Variants in S1PR3 observed in about 807,000 individuals in gnomAD.
S1PR3 encodes sphingosine 1-phosphate receptor 3.
S1PR3 carries 12 observed loss-of-function variants against 13.3 expected under a neutral mutation model. The ratio of observed to expected loss-of-function variants is 0.90; its 90% confidence interval spans 0.58 to 1.46. The LOEUF is 1.46. S1PR3 is among the 40% of genes most tolerant of loss of function. The probability of loss-of-function intolerance (pLI) is 0.00; values close to 1 mark genes in which losing one functional copy is unlikely to be tolerated. For missense variants in S1PR3, 450 were observed against 501.9 expected (o/e 0.90, Z 0.99); for synonymous variants, 232 against 214.0 (o/e 1.08, Z -0.73).
rs1825882763 is a variant in S1PR3 at position 89,002,402 on chromosome 9, G to GC, written c.*69dup. ...TATTGCATGCGTCGCTTCCACAGGG[G>GC]CCCCTCAAGAGCTGTGACTCGGGAG... On this transcript the variant is annotated 3_prime_UTR_variant, in exon 2 of 2. Transcript: ENST00000358157. 1.3e-6 allele frequency: 2 copies of GC among 1,542,028 alleles called. No homozygotes were observed. Among genetic ancestry groups the GC allele is most frequent in the South Asian group, 2.5e-5 (2 of 79,810 alleles).
At position 88,995,396 on chromosome 9, in the gene S1PR3, G is replaced by A. The variant is rs1439624348; in HGVS notation, c.-148+3701G>A. 4 of 166,940 alleles carry A rather than the reference G, an allele frequency of 2.4e-5. No homozygotes were observed. The South Asian group carries it at 8.3e-4, about 35-fold the overall frequency. 10.3% of individuals were successfully genotyped at this position (166,940 alleles called of 1,614,324 possible). ...GTAGAGAAAGCGAATCGCTAGTATAGAAAGCACATCTGGAATCCATCCGGC... is the reference window on the plus strand; with the variant it reads ...GTAGAGAAAGCGAATCGCTAGTATAAAAAGCACATCTGGAATCCATCCGGC... On this transcript the variant is annotated intron_variant, in intron 1 of 1. Coordinates refer to ENST00000358157, the MANE Select transcript of S1PR3 (RefSeq NM_005226.4).
At position 88,991,931 on chromosome 9, in the gene S1PR3, G is replaced by T. The variant is rs756645623; in HGVS notation, c.-148+236G>T. 6.2e-7 allele frequency: 1 copy of T among 1,614,228 alleles called. No individual in the cohort carries two copies. Among genetic ancestry groups the T allele is most frequent in the African/African-American group, 1.3e-5 (1 of 75,066 alleles). ...ACGGGCTGGAGCTGAATACCTGGAT[G>T]AAAGTGGAGAGGCTGTTCGTGGAGA... On this transcript the variant is annotated intron_variant, in intron 1 of 1. Coordinates refer to ENST00000358157, the MANE Select transcript of S1PR3 (RefSeq NM_005226.4). The surrounding 1 kb of genome is among the most constrained non-coding windows in gnomAD (Gnocchi z 4.0).
In S1PR3 at chr9:89,001,368, G is replaced by T. The variant is rs577646307; in HGVS notation, c.168G>T (p.Glu56Asp). The T allele has an allele frequency of 3.1e-6, 5 of 1,614,216 alleles. No homozygotes were observed. The highest frequency in any genetic ancestry group is 3.4e-6 in the Non-Finnish European group (4 of 1,180,048). Residue 56 changes from glutamate (E) to aspartate (D), a missense_variant, in exon 2 of 2, where the codon GAG becomes GAT. By Grantham distance (45) the Glu-to-Asp change is conservative. Transcript: ENST00000358157. ...TCATCTGCAGCTTCATCGTCTTGGA[G>T]AACCTGATGGTTTTGATTGCCATCT... is the stretch of plus-strand genomic sequence containing the variant. Reference protein sequence around the residue: ...FLVICSFIVLENLMVLIAIWK... With the variant: ...FLVICSFIVLDNLMVLIAIWK...
Position 89,001,233 on chromosome 9 carries a change from G to C in S1PR3, c.33G>C (p.Pro11=). 6.2e-7 allele frequency: 1 copy of C among 1,613,484 alleles called. No individual in the cohort carries two copies. The highest frequency in any genetic ancestry group is 8.5e-7 in the Non-Finnish European group (1 of 1,179,498). Residue 11 remains proline, a synonymous_variant, in exon 2 of 2, where the codon CCG becomes CCC. Transcript: ENST00000358157. MATALPPRLQ[P]VRGNETLREH... ...CTGCCCTCCCGCCGCGTCTCCAGCC[G>C]GTGCGGGGGAACGAGACCCTGCGGG... is the stretch of plus-strand genomic sequence containing the variant.
upstream of S1PR3, chr9:88,991,155 T>C: frequency 6.2e-7 from 1 of 1,609,522 alleles, no homozygotes. The surrounding 1 kb of genome is among the most constrained non-coding windows in gnomAD (Gnocchi z 4.0). Flanking sequence ...GCCCGGTTTC[T>C]GCACCTGGAG....
rs543826928 is a variant in S1PR3 at position 89,003,412 on chromosome 9, C to T, written c.*1075C>T. ...CAGCATCCTGAAAGCTGGCACTGAT[C>T]GTGACTATCAGTGAAAGAAGTTTAA... On this transcript the variant is annotated 3_prime_UTR_variant, in exon 2 of 2. Transcript: ENST00000358157. 3 of 167,192 alleles carry T rather than the reference C, an allele frequency of 1.8e-5. No individual in the cohort carries two copies. The highest frequency in any genetic ancestry group is 2.1e-4 in the South Asian group (1 of 4,820). The allele number at this position is 167,192 out of a possible 1,614,324, so 10.4% of individuals were successfully genotyped here. A position where few individuals can be genotyped will look rare whatever the true frequency, so the allele number is the denominator to read the frequency against.
At chr9:88,991,346 C>T (rs1825695881), upstream of S1PR3, 4 of 409,828 alleles carry the variant, frequency 9.8e-6, no homozygotes, top group African/African-American at 1.4e-4. The surrounding 1 kb of genome is among the most constrained non-coding windows in gnomAD (Gnocchi z 4.0). Context: ...GGTTCGCGGG[C>T]GGGGGACGGG....
rs1252590863 is a variant in S1PR3 at position 88,994,797 on chromosome 9, G to A, written c.-148+3102G>A. ...CCGGGAAGCAGTAAGTCTAACCAGG[G>A]AAGTGCACTGACTTGCATGCTTTGA... On this transcript the variant is annotated intron_variant, in intron 1 of 1. Coordinates refer to ENST00000358157, the MANE Select transcript of S1PR3 (RefSeq NM_005226.4). The A allele has an allele frequency of 1.8e-5, 3 of 167,282 alleles. No individual in the cohort carries two copies. In the East Asian group the frequency reaches 5.8e-4, roughly 32 times the overall value. The allele number at this position is 167,282 out of a possible 1,614,324, so 10.4% of individuals were successfully genotyped here.
At chr9:88,997,373 C>T (rs368961274) in intron 1 of S1PR3, 2 of 152,024 alleles carry the variant, frequency 1.3e-5, no homozygotes, top group Admixed American at 6.5e-5. Flanking sequence ...GTCTATTCAC[C>T]CTCTTCTCTC....
In S1PR3 at chr9:89,002,304, C is replaced by G. The variant is rs111258555; in HGVS notation, c.1104C>G (p.Asn368Lys). 1 of 1,613,970 alleles carries G rather than the reference C, an allele frequency of 6.2e-7. No homozygotes were observed. Among genetic ancestry groups the G allele is most frequent in the Non-Finnish European group, 8.5e-7 (1 of 1,180,010 alleles). Residue 368 changes from asparagine (N) to lysine (K), a missense_variant, in exon 2 of 2, where the codon AAC becomes AAG. Physicochemically the swap from Asn to Lys is moderately conservative, Grantham distance 94 (BLOSUM62 0). Coordinates refer to ENST00000358157, the MANE Select transcript of S1PR3 (RefSeq NM_005226.4). ...CCTCATCCTGCATCATGGACAAGAA[C>G]GCAGCACTTCAGAATGGGATCTTCT... Reference protein sequence around the residue: ...TAPSSCIMDKNAALQNGIFCN With the variant: ...TAPSSCIMDKKAALQNGIFCN
chr9:88,991,675 C>T lies in S1PR3; in HGVS notation c.-168C>T, dbSNP rs1825710925. On this transcript the variant is annotated 5_prime_UTR_variant, in exon 1 of 2. Transcript: ENST00000358157. This position sits in a 1 kb window ranked among gnomAD's most constrained non-coding sequence, Gnocchi z 4.0. ...CCACCCGCTAGGATGCCGGTGGCCC[C>T]AGCGCCCTCAGCCGACGGAGGTGAG... 1.3e-6 allele frequency: 2 copies of T among 1,516,030 alleles called. No individual in the cohort carries two copies. Among genetic ancestry groups the T allele is most frequent in the African/African-American group, 2.8e-5 (2 of 70,828 alleles). 93.9% of individuals were successfully genotyped at this position (1,516,030 alleles called of 1,614,324 possible). A position where few individuals can be genotyped will look rare whatever the true frequency, so the allele number is the denominator to read the frequency against.
chr9:88,999,581 T>C (rs1034160670), intron 1 of S1PR3: 1 of 152,228 alleles, frequency 6.6e-6, no homozygotes, highest in Non-Finnish European at 1.5e-5. Context: ...GTTGTTCATG[T>C]GTCTCTGAAG....
Position 89,001,058 on chromosome 9 carries a change from C to A in S1PR3, c.-143C>A. ...CCTCTTTTTATCTGTTGGCAGGAGCCCTTTTTCAACGCCCTCGCTGGAGTC... is the reference window on the plus strand; with the variant it reads ...CCTCTTTTTATCTGTTGGCAGGAGCACTTTTTCAACGCCCTCGCTGGAGTC... On this transcript the variant is annotated 5_prime_UTR_variant, in exon 2 of 2. Transcript: ENST00000358157. 4.4e-6 allele frequency: 4 copies of A among 902,018 alleles called. No homozygotes were observed. The highest frequency in any genetic ancestry group is 6.8e-6 in the Non-Finnish European group (4 of 591,708). 55.9% of individuals were successfully genotyped at this position (902,018 alleles called of 1,614,324 possible).
Position 88,992,186 on chromosome 9 carries a change from T to G in S1PR3, c.-148+491T>G, listed in dbSNP as rs138742887. The G allele has an allele frequency of 6.9e-4, 476 of 689,448 alleles. 1 individual carries two copies. The African/African-American group carries it at 7.9e-3, about 11-fold the overall frequency. The allele number at this position is 689,448 out of a possible 1,614,324, so 42.7% of individuals were successfully genotyped here. On this transcript the variant is annotated intron_variant, in intron 1 of 1. Coordinates refer to ENST00000358157, the MANE Select transcript of S1PR3 (RefSeq NM_005226.4). ...AGTCCCCACAGTGCAATAATGAGGT[T>G]CCCACGGAAAATCAGTACGTTGTGT...
Position 89,002,516 on chromosome 9 carries a change from C to T in S1PR3, c.*179C>T, listed in dbSNP as rs1287755752. On this transcript the variant is annotated 3_prime_UTR_variant, in exon 2 of 2. Transcript: ENST00000358157. ...AATCACCACCCCGCTTCAGTGTAAA[C>T]AACGTGCCTTGTCCACTTTGGGCTC... 4 of 725,012 alleles carry T rather than the reference C, an allele frequency of 5.5e-6. No individual in the cohort carries two copies. Among genetic ancestry groups the T allele is most frequent in the African/African-American group, 3.6e-5 (2 of 55,812 alleles). The allele number at this position is 725,012 out of a possible 1,614,324, so 44.9% of individuals were successfully genotyped here.
chr9:89,001,242 G>A lies in S1PR3; in HGVS notation c.42G>A (p.Gly14=). 3.7e-6 allele frequency: 6 copies of A among 1,614,022 alleles called. No individual in the cohort carries two copies. The highest frequency in any genetic ancestry group is 5.1e-6 in the Non-Finnish European group (6 of 1,179,918). Residue 14 remains glycine (G), a synonymous_variant, in exon 2 of 2, where the codon GGG becomes GGA. Transcript: ENST00000358157. ...ALPPRLQPVR[G]NETLREHYQY... ...CGCCGCGTCTCCAGCCGGTGCGGGG[G>A]AACGAGACCCTGCGGGAGCATTACC...
chr9:88,992,256 A>T, intron 1 of S1PR3: 2 of 529,896 alleles, frequency 3.8e-6, no homozygotes, highest in Non-Finnish European at 6.7e-6. Context: ...GGGCTTTTTG[A>T]GTCTCCCAAT....
Position 89,000,847 on chromosome 9 carries a change from G to T in S1PR3, c.-147-207G>T, listed in dbSNP as rs902254254. On this transcript the variant is annotated intron_variant, in intron 1 of 1. Coordinates refer to ENST00000358157, the MANE Select transcript of S1PR3 (RefSeq NM_005226.4). ...TTCATGCACTGAATTTCCCTTCCCG[G>T]CAACTCCAGACACCAAATCGCTTCC... The T allele has an allele frequency of 1.1e-4, 32 of 296,072 alleles. 1 individual carries two copies. The highest frequency in any genetic ancestry group is 9.6e-5 in the Admixed American group (2 of 20,896). The allele number at this position is 296,072 out of a possible 1,614,324, so 18.3% of individuals were successfully genotyped here. A position where few individuals can be genotyped will look rare whatever the true frequency, so the allele number is the denominator to read the frequency against.
rs151200975 is a variant in S1PR3 at position 89,002,159 on chromosome 9, G to C, written c.959G>C (p.Gly320Ala). The C allele has an allele frequency of 4.3e-6, 7 of 1,613,816 alleles. No homozygotes were observed. The African/African-American group carries it at 8.0e-5, about 18-fold the overall frequency. ...FRLVCNCLVR[G>A]RGARASPIQP... is the part of the protein sequence containing the mutation. The stretch of plus-strand genomic sequence containing the variant: ...CTGGTCTGCAACTGCCTGGTCAGGG[G>C]ACGGGGGGCCCGCGCCTCACCCATC... The change falls in exon 2 of 2, where the codon GGA (glycine) becomes GCA (alanine). Residue 320 changes from glycine to alanine, a missense_variant. Coordinates refer to ENST00000358157, the MANE Select transcript of S1PR3 (RefSeq NM_005226.4).
Sources: gnomAD v4.1 joint callset for allele counts on GRCh38, gnomAD v4.1.1 for gene constraint, Gnocchi (gnomAD v3.1) non-coding constraint, MANE v1.5 for transcripts, NCBI Gene and HGNC (gene_info 2026-07-23, HGNC 2026-07-21) for gene names.